JAML: variants seen among roughly 807,000 people sequenced by gnomAD.
The protein encoded by JAML is junction adhesion molecule like, also known as junctional adhesion molecule-like.
A neutral mutation model predicts 39.3 loss-of-function variants in JAML; 25 were observed. The ratio of observed to expected loss-of-function variants is 0.64; its 90% CI spans 0.46 to 0.89. The LOEUF is 0.89. JAML is among the 40% of genes least tolerant of loss of function. The pLI is 0.00. For missense variants in JAML, 440 were observed against 486.9 expected, an observed-to-expected ratio of 0.90 and a Z score of 0.91; for synonymous variants, 162 against 179.2, an observed-to-expected ratio of 0.90 and a Z score of 0.77.
intron 9 of JAML, 54 bp downstream of exon 9, chr11:118,196,672 CCCACCACCA>C (rs748773343): frequency 1.3e-4 from 196 of 1,453,964 alleles, no homozygotes; most frequent in Non-Finnish European, 1.9e-4. Flanking sequence ...CCCAGCCACG[CCCACCACCA>C]CCACCACCTG....
chr11:118,200,722 G>A, intron 6 of JAML, 110 bp from the exon 7 acceptor site: 1 of 1,264,164 alleles, frequency 7.9e-7, no homozygotes, highest in Non-Finnish European at 1.1e-6. Context: ...CGGAGGGGAA[G>A]GCCAGACTCC....
intron 3 of JAML, among the ~76,000 whole-genome samples, chr11:118,211,824 G>A (rs1402542693): frequency 2.0e-5 from 3 of 151,964 alleles, no homozygotes; most frequent in Non-Finnish European, 2.9e-5. Context: ...AAAGAACCTC[G>A]CCCACCATGC....
At chr11:118,213,241 A>C in intron 2 of JAML, 2 of 1,242,246 alleles carry the variant, frequency 1.6e-6, no homozygotes, top group Non-Finnish European at 2.0e-6. Context: ...CACTACAAGA[A>C]AAAACCATTA....
intron 3 of JAML, among the ~76,000 whole-genome samples, chr11:118,212,112 G>A (rs1949073723): frequency 1.3e-5 from 2 of 152,214 alleles, no homozygotes; most frequent in African/African-American, 4.8e-5. Flanking sequence ...CTCATTTCAA[G>A]TTTGTGTCTC....
chr11:118,198,281 C>G (rs1465874464), intron 7 of JAML, among the ~76,000 whole-genome samples, 190 bp from the exon 8 acceptor site: 1 of 152,162 alleles, frequency 6.6e-6, no homozygotes, highest in African/African-American at 2.4e-5. Context: ...TAATGAAGAA[C>G]AAGAAGCCGT....
Position 118,193,941 on chromosome 11 carries a change from T to C in JAML, c.*384A>G, listed in dbSNP as rs1418138942. The C allele has an allele frequency of 5.1e-6, 1 of 195,254 alleles. No individual in the cohort carries two copies. The highest frequency in any genetic ancestry group is 1.1e-5 in the Non-Finnish European group (1 of 92,314). 12.1% of individuals were successfully genotyped at this position (195,254 alleles called of 1,614,324 possible). A position where few individuals can be genotyped will look rare whatever the true frequency, so the allele number is the denominator to read the frequency against. On this transcript the variant is annotated 3_prime_UTR_variant, in exon 10 of 10. Coordinates refer to ENST00000356289, the MANE Select transcript of JAML (RefSeq NM_001098526.2). ...GGACGATTTCCACAAACAACACTTA[T>C]TTAGAAATAATGTGCCAGAGGAATG...
At position 118,222,063 on chromosome 11, in the gene JAML, T is replaced by A. The variant is rs1423813764; in HGVS notation, c.-21+2878A>T. 5.3e-5 allele frequency among the ~76,000 whole-genome samples: 8 copies of A among 152,210 alleles called. 1 individual carries two copies. The highest frequency in any genetic ancestry group is 5.2e-4 in the Admixed American group (8 of 15,282). On this transcript the variant is annotated intron_variant, in intron 1 of 9. Transcript: ENST00000356289. This position sits in a 1 kb window ranked among gnomAD's most constrained non-coding sequence, Gnocchi z 4.2. ...GATTTTTATTTTGAGAACTCCATAG[T>A]CAGAAATCAACTTAATTAAAGACGA...
chr11:118,196,926 G>A, intron 8 of JAML, 105 bp from the exon 9 acceptor site: 3 of 876,824 alleles, frequency 3.4e-6, no homozygotes, highest in Non-Finnish European at 5.7e-6. Context: ...CACCCAAACT[G>A]CTGGTTCAGA....
chr11:118,215,345 C>T (rs1949125506), intron 1 of JAML, among the ~76,000 whole-genome samples: 1 of 152,136 alleles, frequency 6.6e-6, no homozygotes, highest in South Asian at 2.1e-4. Flanking sequence ...ATCTCTCCAC[C>T]TAAATTAGAA....
intron 6 of JAML, chr11:118,201,822 G>A (rs1248535854): frequency 6.6e-6 from 1 of 152,182 alleles, no homozygotes; most frequent in East Asian, 1.9e-4. Flanking sequence ...TTAGATTAGG[G>A]GTCTAGGAAA....
At chr11:118,211,611 A>G (rs1949061053) in intron 3 of JAML, among the ~76,000 whole-genome samples, 2 of 152,222 alleles carry the variant, frequency 1.3e-5, no homozygotes, top group Admixed American at 1.3e-4. Context: ...GCCAATAAAA[A>G]TTTGAATGAG....
At chr11:118,208,487 G>T (rs977168647) in intron 4 of JAML, among the ~76,000 whole-genome samples, 1 of 152,220 alleles carries the variant, frequency 6.6e-6, no homozygotes. Flanking sequence ...CAGGGGCTAC[G>T]CCCAGGCAAG....
rs546676564 is a variant in JAML at position 118,194,312 on chromosome 11, C to A, written c.*13G>T. The A allele has an allele frequency of 7.0e-5, 113 of 1,607,532 alleles. 2 individuals are homozygous for A. In the East Asian group the frequency reaches 2.3e-3, roughly 33 times the overall value. ...CTCCACCGCTGCTGAGATGAAGGGA[C>A]TCTCCATTCTTCTCAAAAGGCTTGC... On this transcript the variant is annotated 3_prime_UTR_variant, in exon 10 of 10. Transcript: ENST00000356289.
chr11:118,210,549 T>C lies in JAML; in HGVS notation c.362A>G (p.Lys121Arg), dbSNP rs561008448. ...QGTYICEIRLKGESQVFKKAV... is the reference protein window; with the variant it reads ...QGTYICEIRLRGESQVFKKAV... ...CTTCTTGAACACCTGGCTCTCCCCT[T>C]TGAGGCGGATTTCACAGATATAGGT... The change falls in exon 4 of 10, where the codon AAA (lysine) becomes AGA (arginine). Residue 121 changes from lysine (K) to arginine (R), a missense_variant. By Grantham distance (26) the Lys-to-Arg change is conservative. Coordinates refer to ENST00000356289, the MANE Select transcript of JAML (RefSeq NM_001098526.2). The C allele has an allele frequency of 1.3e-4, 206 of 1,614,192 alleles. 5 individuals carry two copies. The South Asian group carries it at 2.2e-3, about 17-fold the overall frequency.
At chr11:118,216,168 G>A (rs1949138182) in intron 1 of JAML, among the ~76,000 whole-genome samples, 2 of 151,956 alleles carry the variant, frequency 1.3e-5, no homozygotes, top group Non-Finnish European at 2.9e-5. Context: ...TCAGGAGATC[G>A]AGACCATCCT....
intron 1 of JAML, among the ~76,000 whole-genome samples, chr11:118,220,786 C>A (rs1949202290): frequency 6.6e-6 from 1 of 152,204 alleles, no homozygotes; most frequent in Admixed American, 6.5e-5. Flanking sequence ...GGAAGGCAAA[C>A]TGCCCCAATG....
chr11:118,217,492 C>T (rs1481156363), intron 1 of JAML, among the ~76,000 whole-genome samples: 1 of 152,162 alleles, frequency 6.6e-6, no homozygotes. Context: ...ATGATTTTAG[C>T]GGAAAAATTA....
chr11:118,211,626 G>GC (rs1462151285), intron 3 of JAML, among the ~76,000 whole-genome samples: 1 of 152,160 alleles, frequency 6.6e-6, no homozygotes, highest in Non-Finnish European at 1.5e-5. Context: ...AATGAGAGTA[G>GC]CATTATAGGG....
chr11:118,209,176 T>A, intron 4 of JAML: 1 of 288,140 alleles, frequency 3.5e-6, no homozygotes, highest in Non-Finnish European at 6.9e-6. Context: ...CAGTCTCAGC[T>A]GCATTCCTTT....
Sources: allele counts gnomAD v4.1 joint callset (sites outside exome capture counted in the v4.1 genomes callset), GRCh38; gene constraint gnomAD v4.1.1; non-coding constraint Gnocchi (gnomAD v3.1); transcripts MANE v1.5; gene names NCBI Gene and HGNC (gene_info 2026-07-23, HGNC 2026-07-21).